RGS9: variants seen among roughly 807,000 people sequenced by gnomAD.
RGS9 encodes regulator of G protein signaling 9, also known as regulator of G-protein signalling 9.
In RGS9, 78 loss-of-function variants were observed where a neutral mutation model predicts 102.0. The observed-to-expected ratio is 0.76, with a 90% CI of 0.64 to 0.92. The LOEUF (loss-of-function observed/expected upper bound fraction) is 0.92. Among genes scored for constraint, RGS9 ranks in the 40% least tolerant of loss-of-function variants. RGS9 has a pLI of 0.00. For synonymous variants in RGS9, 353 were observed against 318.6 expected (o/e 1.11, Z -1.15); for missense variants, 833 against 866.1 (o/e 0.96, Z 0.48).
intron 8 of RGS9, among the ~76,000 whole-genome samples, chr17:65,174,812 A>G (rs1243868501): frequency 1.3e-5 from 2 of 152,162 alleles, no homozygotes; most frequent in African/African-American, 4.8e-5. Context: ...TGGCTGGGGA[A>G]GTCTCAGGAA....
chr17:65,148,705 T>C (rs1269606087), intron 1 of RGS9, among the ~76,000 whole-genome samples: 3 of 151,846 alleles, frequency 2.0e-5, no homozygotes, highest in African/African-American at 2.4e-5. Context: ...GCAGTTGCTA[T>C]TTTTTTTGTG....
intron 1 of RGS9, among the ~76,000 whole-genome samples, chr17:65,141,433 G>A (rs1910153179): frequency 6.6e-6 from 1 of 152,220 alleles, no homozygotes; most frequent in African/African-American, 2.4e-5. Context: ...TTGTTTTCCT[G>A]TGCGGCTTCT....
Position 65,204,948 on chromosome 17 carries a change from G to A in RGS9, c.1203+647G>A, listed in dbSNP as rs548260040. Among the ~76,000 whole-genome samples, 24 of 152,278 alleles carry A rather than the reference G, an allele frequency of 1.6e-4. 1 individual carries two copies. The South Asian group carries it at 5.0e-3, about 32-fold the overall frequency. ...GGCCGAGCTCTTAGTTTCTGCTGCA[G>A]AGTGATGGCAATTCTCACCACCCTG... On this transcript the variant is annotated intron_variant, in intron 15 of 18. Transcript: ENST00000262406.
At chr17:65,218,330 C>T (rs893017081) in intron 17 of RGS9, among the ~76,000 whole-genome samples, 6 of 152,214 alleles carry the variant, frequency 3.9e-5, no homozygotes, top group South Asian at 2.1e-4. Flanking sequence ...TTAAGAAACC[C>T]GCTTGCTATC....
chr17:65,144,522 C>T (rs1389042159), intron 1 of RGS9, among the ~76,000 whole-genome samples: 1 of 152,190 alleles, frequency 6.6e-6, no homozygotes, highest in African/African-American at 2.4e-5. Flanking sequence ...GACAGGGTCC[C>T]GCGGTGGCCT....
chr17:65,189,141 A>T, intron 9 of RGS9, 145 bp from the exon 10 acceptor site: 1 of 692,934 alleles, frequency 1.4e-6, no homozygotes, highest in Non-Finnish European at 2.6e-6. Context: ...GAGTGGAGGC[A>T]GTAGACATGG....
Position 65,227,554 on chromosome 17 carries a change from T to C in RGS9, c.*147T>C, listed in dbSNP as rs1197654040. 9.0e-7 allele frequency: 1 copy of C among 1,113,012 alleles called. No individual in the cohort carries two copies. Among genetic ancestry groups the C allele is most frequent in the Non-Finnish European group, 1.3e-6 (1 of 767,004 alleles). The allele number at this position is 1,113,012 out of a possible 1,614,324, so 68.9% of individuals were successfully genotyped here. A position where few individuals can be genotyped will look rare whatever the true frequency, so the allele number is the denominator to read the frequency against. ...TGGGGAGACAAGATGGGGTAGATTG[T>C]GGCAAAGAATGCTCTGGCTGGTTAC... On this transcript the variant is annotated 3_prime_UTR_variant, in exon 19 of 19. Coordinates refer to ENST00000262406, the MANE Select transcript of RGS9 (RefSeq NM_003835.4).
rs1276278564 is a variant in RGS9, at chr17:65,190,054, G to A, written c.685-121G>A. 4 of 820,980 alleles carry A rather than the reference G, an allele frequency of 4.9e-6. No individual in the cohort carries two copies. In the East Asian group the frequency reaches 7.2e-5, roughly 15 times the overall value. The allele number at this position is 820,980 out of a possible 1,614,324, so 50.9% of individuals were successfully genotyped here. A position where few individuals can be genotyped will look rare whatever the true frequency, so the allele number is the denominator to read the frequency against. On this transcript the variant is annotated intron_variant, in intron 10 of 18. Coordinates refer to ENST00000262406, the MANE Select transcript of RGS9 (RefSeq NM_003835.4). ...TGACCCACTGGTACTGAGGGGGCTG[G>A]CTCTGGGCATGGAACGGGATGTGGC... is the stretch of plus-strand genomic sequence containing the variant.
rs1480272758 is a variant in RGS9, at chr17:65,158,279, G to A, written c.155-16G>A. ...GGAGGCTATGACAATAACCGCAAAT[G>A]TCTCTTGTTTTTCAGGAAGTGATGT... On this transcript the variant is annotated splice_polypyrimidine_tract_variant and intron_variant, in intron 2 of 18. Coordinates refer to ENST00000262406, the MANE Select transcript of RGS9 (RefSeq NM_003835.4). The A allele has an allele frequency of 1.2e-6, 2 of 1,614,004 alleles. No individual in the cohort carries two copies. The highest frequency in any genetic ancestry group is 1.7e-5 in the Admixed American group (1 of 60,006).
chr17:65,171,018 C>A (rs1911397772), intron 8 of RGS9, among the ~76,000 whole-genome samples: 1 of 152,168 alleles, frequency 6.6e-6, no homozygotes, highest in African/African-American at 2.4e-5. Flanking sequence ...CTCCAGGAGA[C>A]CCAAACAAAC....
intron 9 of RGS9, among the ~76,000 whole-genome samples, chr17:65,178,878 G>A (rs1911747503): frequency 1.3e-5 from 2 of 152,156 alleles, no homozygotes; most frequent in South Asian, 2.1e-4. Context: ...CTCTGCCCAT[G>A]AGATGTCAGT....
chr17:65,210,801 G>A, intron 17 of RGS9, 196 bp downstream of exon 17: 1 of 915,506 alleles, frequency 1.1e-6, no homozygotes, highest in Non-Finnish European at 1.6e-6. Context: ...TCTTCATGGG[G>A]GACTTCCTAA....
chr17:65,224,919 AAGTT>A (rs1905561878), intron 17 of RGS9, 79 bp from the exon 18 acceptor site: 1 of 1,574,674 alleles, frequency 6.4e-7, no homozygotes, highest in Non-Finnish European at 8.7e-7. Context: ...GAAGGGGACT[AAGTT>A]AGCAGAGGAC....
chr17:65,188,351 A>G (rs1912215688), intron 9 of RGS9, among the ~76,000 whole-genome samples: 4 of 152,222 alleles, frequency 2.6e-5, no homozygotes, highest in Admixed American at 2.0e-4. Context: ...CTGCTCCAAC[A>G]GCTTCAGCAA....
rs149196244 is a variant in RGS9, at chr17:65,176,768, C to T, written c.583-964C>T. On this transcript the variant is annotated intron_variant, in intron 8 of 18. Transcript: ENST00000262406. Reference sequence around the variant, plus strand: ...CCATCCATCCACCCATCCACCCATCCGTCTATCTCTTCACCTATCCATTCA... The same window carrying T: ...CCATCCATCCACCCATCCACCCATCTGTCTATCTCTTCACCTATCCATTCA... 2.2e-3 allele frequency among the ~76,000 whole-genome samples: 328 copies of T among 147,866 alleles called. 1 individual carries two copies. The highest frequency in any genetic ancestry group is 3.5e-3 in the Non-Finnish European group (238 of 67,206).
At chr17:65,205,470 G>A (rs1383189752) in intron 15 of RGS9, among the ~76,000 whole-genome samples, 1 of 151,400 alleles carries the variant, frequency 6.6e-6, no homozygotes, top group African/African-American at 2.4e-5. Flanking sequence ...GACATAGGTT[G>A]CGTGATATAG....
At chr17:65,144,297 C>T (rs1372990837) in intron 1 of RGS9, among the ~76,000 whole-genome samples, 3 of 152,150 alleles carry the variant, frequency 2.0e-5, no homozygotes, top group Non-Finnish European at 2.9e-5. Context: ...AAATTCCAGC[C>T]CCAGAGATCT....
rs754039332 is a variant in RGS9 at position 65,163,107 on chromosome 17, A to G, written c.500+18A>G. 1 of 1,380,464 alleles carries G rather than the reference A, an allele frequency of 7.2e-7. No individual in the cohort carries two copies. Among genetic ancestry groups the G allele is most frequent in the Non-Finnish European group, 1.0e-6 (1 of 973,110 alleles). The allele number at this position is 1,380,464 out of a possible 1,614,324, so 85.5% of individuals were successfully genotyped here. A position where few individuals can be genotyped will look rare whatever the true frequency, so the allele number is the denominator to read the frequency against. The stretch of plus-strand genomic sequence containing the variant: ...CAGTACAGGTGAGTGAAAGGAGACC[A>G]TGCTTGTCCTCTCGGTGTCTTTCCT... On this transcript the variant is annotated intron_variant, in intron 7 of 18. Transcript: ENST00000262406.
intron 14 of RGS9, among the ~76,000 whole-genome samples, chr17:65,202,442 TGTGAGA>T (rs1010984999): frequency 1.9e-4 from 23 of 123,242 alleles, no homozygotes; most frequent in Admixed American, 9.7e-4. Flanking sequence ...TGTGTGTGTG[TGTGAGA>T]GAGAGAGAGA....
Sources: allele counts gnomAD v4.1 joint callset (sites outside exome capture counted in the v4.1 genomes callset), GRCh38; gene constraint gnomAD v4.1.1; transcripts MANE v1.5; gene names NCBI Gene and HGNC (gene_info 2026-07-23, HGNC 2026-07-21).